Variants in FBP1 observed in about 807,000 individuals in gnomAD.
FBP1 encodes the protein fructose-1,6-bisphosphatase 1.
In FBP1, 22 loss-of-function variants were observed where a neutral mutation model predicts 29.9. The observed-to-expected ratio is 0.74, with a 90% CI of 0.53 to 1.05. The LOEUF (loss-of-function observed/expected upper bound fraction) is 1.05, where lower values mean the gene tolerates loss of function less well. FBP1 is among the 50% of genes least tolerant of loss of function. FBP1 has a pLI of 0.00. For missense variants in FBP1, 345 were observed against 448.2 expected (o/e 0.77, Z 2.08); for synonymous variants, 175 against 178.6 (o/e 0.98, Z 0.16).
At chr9:94,624,139 C>G (rs1439584438) in intron 1 of FBP1, among the ~76,000 whole-genome samples, 1 of 149,942 alleles carries the variant, frequency 6.7e-6, no homozygotes, top group Non-Finnish European at 1.5e-5. Context: ...GAGATCGAGA[C>G]CAGCCTGATC....
intron 3 of FBP1, among the ~76,000 whole-genome samples, chr9:94,614,714 C>T (rs974690897): frequency 7.9e-5 from 12 of 152,074 alleles, no homozygotes; most frequent in African/African-American, 2.2e-4. Context: ...CACCATGGTG[C>T]GATTCTAGCC....
At chr9:94,603,620 C>A (rs374070978) in intron 6 of FBP1, 48 bp from the exon 7 acceptor site, 2 of 1,560,052 alleles carry the variant, frequency 1.3e-6, no homozygotes, top group Non-Finnish European at 1.8e-6. Flanking sequence ...GAAGGTATTG[C>A]GTAAAAAAGA....
intron 3 of FBP1, 57 bp downstream of exon 3, chr9:94,617,711 G>T: frequency 1.8e-6 from 2 of 1,120,526 alleles, no homozygotes; most frequent in East Asian, 2.4e-5. Flanking sequence ...AAATAGGACT[G>T]GATGCTCAAT....
At chr9:94,621,839 C>A (rs1166349051) in intron 1 of FBP1, among the ~76,000 whole-genome samples, 1 of 151,996 alleles carries the variant, frequency 6.6e-6, no homozygotes, top group South Asian at 2.1e-4. Context: ...GCGAGCCAAG[C>A]CAAGGGGTTT....
chr9:94,635,102 A>AAC (rs1828172847), intron 1 of FBP1, among the ~76,000 whole-genome samples: 1 of 151,870 alleles, frequency 6.6e-6, no homozygotes, highest in African/African-American at 2.4e-5. Context: ...AAAAAAAAAA[A>AAC]AAAAAAAACC....
Position 94,639,209 on chromosome 9 carries a change from C to T in FBP1, c.102G>A (p.Leu34=). The change falls in exon 1 of 7, where the codon CTG becomes CTA. Residue 34 remains leucine, a synonymous_variant. Transcript: ENST00000375326. ...KARGTGELTQ[L]LNSLCTAVKA... ...TGACTGCTGTGCAGAGCGAGTTGAG[C>T]AGCTGGGTCAACTCGCCCGTGCCGC... The T allele has an allele frequency of 6.2e-7, 1 of 1,602,472 alleles. No individual in the cohort carries two copies. Among genetic ancestry groups the T allele is most frequent in the Non-Finnish European group, 8.5e-7 (1 of 1,174,948 alleles).
rs2131472862 is a variant in FBP1, at chr9:94,606,810, C to T, written c.705+5G>A. The T allele has an allele frequency of 6.2e-7, 1 of 1,613,418 alleles. No individual in the cohort carries two copies. The highest frequency in any genetic ancestry group is 8.5e-7 in the Non-Finnish European group (1 of 1,179,648). ...CTGCACCACCCTCCCCGGGCCCTCA[C>T]TTACTGGGGGGAACTTCTTCCTCTG... is the stretch of plus-strand genomic sequence containing the variant. On this transcript the variant is annotated splice_donor_5th_base_variant and intron_variant, in intron 5 of 6. Transcript: ENST00000375326.
At chr9:94,623,956 G>T (rs7034833) in intron 1 of FBP1, among the ~76,000 whole-genome samples, 11 of 152,176 alleles carry the variant, frequency 7.2e-5, no homozygotes, top group Non-Finnish European at 1.2e-4. Context: ...AGGGAGATGA[G>T]AGGCTAGATG....
chr9:94,631,659 T>C (rs1828105732), intron 1 of FBP1, among the ~76,000 whole-genome samples: 1 of 152,198 alleles, frequency 6.6e-6, no homozygotes, highest in African/African-American at 2.4e-5. Context: ...TCACTGTGAC[T>C]GAGTAACACG....
Position 94,639,235 on chromosome 9 carries a change from G to T in FBP1, c.76C>A (p.Arg26Ser). The change falls in exon 1 of 7, where the codon CGC (arginine) becomes AGC (serine). Residue 26 changes from arginine (R) to serine (S), a missense_variant. Physicochemically the swap from Arg to Ser is moderately radical, Grantham distance 110 (BLOSUM62 -1). Coordinates refer to ENST00000375326, the MANE Select transcript of FBP1 (RefSeq NM_000507.4). ...AGCTGGGTCAACTCGCCCGTGCCGCGGGCCTTCCTGCCCTCCTCCATGACG... is the reference window on the plus strand; with the variant it reads ...AGCTGGGTCAACTCGCCCGTGCCGCTGGCCTTCCTGCCCTCCTCCATGACG... ...RFVMEEGRKA[R>S]GTGELTQLLN... 1 of 1,601,498 alleles carries T rather than the reference G, an allele frequency of 6.2e-7. No homozygotes were observed. Among genetic ancestry groups the T allele is most frequent in the Non-Finnish European group, 8.5e-7 (1 of 1,174,310 alleles).
At chr9:94,629,394 G>A (rs191729965) in intron 1 of FBP1, among the ~76,000 whole-genome samples, 7 of 152,342 alleles carry the variant, frequency 4.6e-5, no homozygotes, top group Admixed American at 4.6e-4. Flanking sequence ...GGCGCTTCTG[G>A]AAATAAAACC....
intron 1 of FBP1, among the ~76,000 whole-genome samples, chr9:94,636,096 C>T (rs559533632): frequency 3.6e-4 from 55 of 152,212 alleles, no homozygotes; most frequent in African/African-American, 1.3e-3. Context: ...TCACTCTTCC[C>T]TTGAATTCTT....
At chr9:94,623,685 T>C (rs1827980443) in intron 1 of FBP1, among the ~76,000 whole-genome samples, 1 of 152,148 alleles carries the variant, frequency 6.6e-6, no homozygotes, top group Non-Finnish European at 1.5e-5. Context: ...TGTGGTCTCT[T>C]TTACTCAAAA....
chr9:94,614,144 G>C (rs1827828164), intron 3 of FBP1, among the ~76,000 whole-genome samples: 2 of 140,770 alleles, frequency 1.4e-5, no homozygotes, highest in African/African-American at 5.2e-5. Context: ...GAGGGAGAAG[G>C]AGGAGGGGAA....
chr9:94,616,119 C>T (rs1450820081), intron 3 of FBP1, among the ~76,000 whole-genome samples: 1 of 152,096 alleles, frequency 6.6e-6, no homozygotes, highest in African/African-American at 2.4e-5. Context: ...TGAGCCATCT[C>T]GCTAGGCCAA....
intron 5 of FBP1, among the ~76,000 whole-genome samples, chr9:94,606,108 C>G (rs1238569805): frequency 2.0e-5 from 3 of 152,080 alleles, no homozygotes; most frequent in South Asian, 2.1e-4. Context: ...GGAGAGAAAG[C>G]CTGGGGCAGA....
chr9:94,619,874 CAAAAAAAAAAAAA>C (rs56722632), intron 2 of FBP1, among the ~76,000 whole-genome samples: 34 of 99,156 alleles, frequency 3.4e-4, no homozygotes, highest in South Asian at 3.0e-3. Flanking sequence ...AACACTGTCT[CAAAAAAAAAAAAA>C]AAAAAAAAAA....
At position 94,606,906 on chromosome 9, in the gene FBP1, T is replaced by C; in HGVS notation, c.614A>G (p.Lys205Arg). 3 of 1,613,954 alleles carry C rather than the reference T, an allele frequency of 1.9e-6. No homozygotes were observed. The South Asian group carries it at 3.3e-5, about 18-fold the overall frequency. ...GTTAAGGCTGTAGATTTTACCTTTC[T>C]TTTTTATCTTCACATCCTTGTCCAC... is the stretch of plus-strand genomic sequence containing the variant. ...ILVDKDVKIK[K>R]KGKIYSLNEG... The change falls in exon 5 of 7, where the codon AAG becomes AGG. Residue 205 changes from lysine (K) to arginine (R), a missense_variant. By Grantham distance (26) the Lys-to-Arg change is conservative. Transcript: ENST00000375326.
At chr9:94,619,039 C>G (rs1207645285) in intron 2 of FBP1, among the ~76,000 whole-genome samples, 1 of 152,078 alleles carries the variant, frequency 6.6e-6, no homozygotes, top group Non-Finnish European at 1.5e-5. Context: ...CACAGACCAC[C>G]CTCACTAATG....
Sources: gnomAD v4.1 joint callset for allele counts (sites outside exome capture counted in the v4.1 genomes callset) on GRCh38, gnomAD v4.1.1 for gene constraint, MANE v1.5 for transcripts, NCBI Gene and HGNC (gene_info 2026-07-23, HGNC 2026-07-21) for gene names.